Variants in ZNF804A observed in about 807,000 individuals in gnomAD.
ZNF804A encodes zinc finger protein 804A.
Under a neutral mutation model 16.5 loss-of-function variants are expected in ZNF804A, and 2 were observed. The ratio of observed to expected loss-of-function variants is 0.12; its 90% CI spans 0.05 to 0.38. ZNF804A has a LOEUF of 0.38. Among genes scored for constraint, ZNF804A ranks in the 10% least tolerant of loss-of-function variants. The pLI, the probability that ZNF804A is intolerant of heterozygous loss-of-function variation, is 0.99. For missense variants in ZNF804A, 1,473 were observed against 1,390.7 expected, an observed-to-expected ratio of 1.06 and a Z score of -0.94; for synonymous variants, 534 against 489.6, an observed-to-expected ratio of 1.09 and a Z score of -1.20.
At chr2:184,891,934 T>C (rs1684989341) in intron 2 of ZNF804A, among the ~76,000 whole-genome samples, 1 of 152,164 alleles carries the variant, frequency 6.6e-6, no homozygotes, top group South Asian at 2.1e-4. Flanking sequence ...GATATCAATA[T>C]TTCTAGAAAA....
At chr2:184,611,849 G>T (rs1691244434) in intron 1 of ZNF804A, among the ~76,000 whole-genome samples, 2 of 152,058 alleles carry the variant, frequency 1.3e-5, no homozygotes, top group African/African-American at 4.8e-5. Flanking sequence ...TACTTTATTT[G>T]CATACTTCAC....
At chr2:184,747,168 C>A (rs1403488441) in intron 1 of ZNF804A, among the ~76,000 whole-genome samples, 1 of 150,814 alleles carries the variant, frequency 6.6e-6, no homozygotes, top group Non-Finnish European at 1.5e-5. Flanking sequence ...GTTCCATTCT[C>A]TAACCTTTTC....
At chr2:184,621,826 C>A (rs1344379118) in intron 1 of ZNF804A, among the ~76,000 whole-genome samples, 1 of 151,636 alleles carries the variant, frequency 6.6e-6, no homozygotes, top group Non-Finnish European at 1.5e-5. Flanking sequence ...AATTTGAAGG[C>A]CTTCTTAATA....
rs1373435270 is a variant in ZNF804A, at chr2:184,937,534, A to G, written c.2138A>G (p.Lys713Arg). 1.2e-5 allele frequency: 19 copies of G among 1,612,430 alleles called. No individual in the cohort carries two copies. The highest frequency in any genetic ancestry group is 1.6e-5 in the Non-Finnish European group (19 of 1,179,464). ...AATGCAACAATGATACATTCTGGGA[A>G]ACATAATTTAACATATTCTAGAACT... ...QSNATMIHSGKHNLTYSRTYC... is the reference protein window; with the variant it reads ...QSNATMIHSGRHNLTYSRTYC... Residue 713 changes from lysine to arginine, a missense_variant, in exon 4 of 4, where the codon AAA (lysine) becomes AGA (arginine). Lys to Arg is a conservative substitution (Grantham distance 26, BLOSUM62 2). Transcript: ENST00000302277.
chr2:184,804,565 G>A (rs955720779), intron 1 of ZNF804A, among the ~76,000 whole-genome samples: 2 of 152,186 alleles, frequency 1.3e-5, no homozygotes, highest in African/African-American at 2.4e-5. Context: ...GCACATTGTA[G>A]TTTGAAAAGT....
At chr2:184,852,729 G>A (rs1695626015) in intron 1 of ZNF804A, among the ~76,000 whole-genome samples, 1 of 151,592 alleles carries the variant, frequency 6.6e-6, no homozygotes, top group Admixed American at 6.6e-5. Context: ...GTGTGTACTT[G>A]GCAGCTTTGC....
intron 2 of ZNF804A, among the ~76,000 whole-genome samples, chr2:184,874,490 G>A (rs1696022365): frequency 1.3e-5 from 2 of 151,906 alleles, no homozygotes; most frequent in Non-Finnish European, 2.9e-5. Flanking sequence ...TTAATTTCAG[G>A]GAAATACTAA....
chr2:184,622,951 C>T (rs1351713502), intron 1 of ZNF804A, among the ~76,000 whole-genome samples: 1 of 151,950 alleles, frequency 6.6e-6, no homozygotes, highest in African/African-American at 2.4e-5. Flanking sequence ...CAATCTATCC[C>T]TTGTATCAAC....
intron 1 of ZNF804A, among the ~76,000 whole-genome samples, chr2:184,751,627 GACA>G (rs1693879329): frequency 1.3e-5 from 2 of 151,376 alleles, no homozygotes; most frequent in Non-Finnish European, 3.0e-5. Flanking sequence ...AGCAAAGATA[GACA>G]AGTGAAACTA....
intron 1 of ZNF804A, among the ~76,000 whole-genome samples, chr2:184,793,675 G>A (rs1243039525): frequency 2.0e-5 from 3 of 152,012 alleles, no homozygotes; most frequent in Admixed American, 1.3e-4. Flanking sequence ...CATAACCGGA[G>A]CATTATACAC....
At chr2:184,828,677 C>T (rs770805766) in intron 1 of ZNF804A, among the ~76,000 whole-genome samples, 7 of 151,792 alleles carry the variant, frequency 4.6e-5, no homozygotes, top group Non-Finnish European at 8.9e-5. Context: ...GTTCCCTTGA[C>T]TTCATGATGT....
intron 1 of ZNF804A, among the ~76,000 whole-genome samples, chr2:184,809,835 C>T (rs975119690): frequency 6.6e-6 from 1 of 151,994 alleles, no homozygotes; most frequent in Admixed American, 6.5e-5. Context: ...GATACTCTCT[C>T]GTATATTTTG....
chr2:184,938,762 T>C lies in ZNF804A; in HGVS notation c.3366T>C (p.Phe1122=). The change falls in exon 4 of 4, where the codon TTT becomes TTC. Residue 1122 remains phenylalanine (F), a synonymous_variant. Coordinates refer to ENST00000302277, the MANE Select transcript of ZNF804A (RefSeq NM_194250.2). ...CTGCAGCCGCAGCTGCAGGAACCTT[T>C]AAAGTGCTTCAGCCACACCAACAGT... The part of the protein sequence containing the change: ...AAAAAAAAGT[F]KVLQPHQQFL... 6.2e-7 allele frequency: 1 copy of C among 1,613,432 alleles called. No individual in the cohort carries two copies. The highest frequency in any genetic ancestry group is 8.5e-7 in the Non-Finnish European group (1 of 1,179,740).
At chr2:184,817,941 C>G (rs1695008660) in intron 1 of ZNF804A, among the ~76,000 whole-genome samples, 1 of 151,954 alleles carries the variant, frequency 6.6e-6, no homozygotes, top group African/African-American at 2.4e-5. Flanking sequence ...GATTGGGGTA[C>G]CTGAAAGAGA....
chr2:184,929,524 A>G (rs1685663069), intron 2 of ZNF804A, among the ~76,000 whole-genome samples: 1 of 152,056 alleles, frequency 6.6e-6, no homozygotes, highest in Non-Finnish European at 1.5e-5. Flanking sequence ...TGTAATAACA[A>G]TTAACTTTTA....
chr2:184,668,411 AT>A (rs1692285216), intron 1 of ZNF804A, among the ~76,000 whole-genome samples: 3 of 151,884 alleles, frequency 2.0e-5, no homozygotes, highest in Admixed American at 1.3e-4. Context: ...TAACCTGCTA[AT>A]TTTTTGACAA....
At chr2:184,775,377 C>T (rs1694271235) in intron 1 of ZNF804A, among the ~76,000 whole-genome samples, 1 of 151,572 alleles carries the variant, frequency 6.6e-6, no homozygotes, top group Admixed American at 6.6e-5. Context: ...TCCTGCATGC[C>T]AGTGTAGTAA....
At chr2:184,930,692 G>T (rs910205799) in intron 2 of ZNF804A, among the ~76,000 whole-genome samples, 1 of 151,974 alleles carries the variant, frequency 6.6e-6, no homozygotes, top group Admixed American at 6.6e-5. Context: ...TAAAATAGAT[G>T]GAACATTTAT....
At chr2:184,739,457 G>C (rs540099373) in intron 1 of ZNF804A, among the ~76,000 whole-genome samples, 1 of 152,232 alleles carries the variant, frequency 6.6e-6, no homozygotes, top group Non-Finnish European at 1.5e-5. Flanking sequence ...GCAGTGGCAC[G>C]GTCGTGGCTC....
Sources: gnomAD v4.1 joint callset for allele counts (sites outside exome capture counted in the v4.1 genomes callset) on GRCh38, gnomAD v4.1.1 for gene constraint, MANE v1.5 for transcripts, NCBI Gene and HGNC (gene_info 2026-07-23, HGNC 2026-07-21) for gene names.